Variants in CENPQ observed in about 807,000 individuals in gnomAD.
CENPQ encodes the protein centromere protein Q.
In CENPQ, 27 loss-of-function variants were observed where a neutral mutation model predicts 36.6. That is an observed-to-expected ratio of 0.74 (90% CI 0.54 to 1.02). The LOEUF is 1.02. Ranked by LOEUF, CENPQ falls within the 50% of genes least tolerant of loss-of-function variation. The pLI is 0.00. For synonymous variants in CENPQ, 101 were observed against 101.7 expected (o/e 0.99, Z 0.04); for missense variants, 306 against 301.8 (o/e 1.01, Z -0.10).
intron 6 of CENPQ, among the ~76,000 whole-genome samples, chr6:49,486,580 CCAGT>C (rs1476423090): frequency 1.3e-5 from 2 of 151,894 alleles, no homozygotes; most frequent in African/African-American, 4.8e-5. Flanking sequence ...GACATATCAA[CCAGT>C]CACAACCAGT....
Position 49,488,432 on chromosome 6 carries a change from G to A in CENPQ, c.558G>A (p.Leu186=), listed in dbSNP as rs974556124. The part of the protein sequence containing the change: ...IQSLKNKIQI[L]ASEVEEEEER... ...GCCTAAAGAACAAAATTCAGATTCT[G>A]GCAAGTGAGGTGGAAGAAGAAGAGG... Residue 186 remains leucine (L), a synonymous_variant, in exon 7 of 9, where the codon CTG becomes CTA. Coordinates refer to ENST00000335783, the MANE Select transcript of CENPQ (RefSeq NM_018132.4). 1.9e-6 allele frequency: 3 copies of A among 1,612,850 alleles called. No individual in the cohort carries two copies. The South Asian group carries it at 3.3e-5, about 18-fold the overall frequency.
chr6:49,484,698 A>G, intron 6 of CENPQ, among the ~76,000 whole-genome samples: 1 of 152,318 alleles, frequency 6.6e-6, no homozygotes, highest in Non-Finnish European at 1.5e-5. Flanking sequence ...ATTTCTGAGC[A>G]CAAATCTATA....
chr6:49,476,064 GA>G (rs200353570), intron 5 of CENPQ, among the ~76,000 whole-genome samples: 5 of 146,688 alleles, frequency 3.4e-5, no homozygotes, highest in Non-Finnish European at 4.5e-5. Flanking sequence ...CACAGAATTG[GA>G]AAAAAAAAAC....
intron 1 of CENPQ, among the ~76,000 whole-genome samples, chr6:49,463,774 C>G (rs1368087278): frequency 6.6e-6 from 1 of 152,098 alleles, no homozygotes; most frequent in Admixed American, 6.5e-5. Context: ...TGTGTTTCTC[C>G]AGGAGTCCTA....
At chr6:49,478,111 T>G (rs968670309) in intron 5 of CENPQ, among the ~76,000 whole-genome samples, 5 of 152,204 alleles carry the variant, frequency 3.3e-5, no homozygotes, top group African/African-American at 1.2e-4. Context: ...CTTTAGTTCC[T>G]GAAGTCACCA....
At chr6:49,468,991 A>G (rs1181222923) in intron 1 of CENPQ, among the ~76,000 whole-genome samples, 2 of 152,230 alleles carry the variant, frequency 1.3e-5, no homozygotes, top group East Asian at 3.8e-4. Flanking sequence ...ATTGAACACA[A>G]GATAGAGAAT....
chr6:49,483,164 G>A (rs1170959601), intron 6 of CENPQ, among the ~76,000 whole-genome samples: 5 of 152,238 alleles, frequency 3.3e-5, no homozygotes, highest in Admixed American at 6.5e-5. Context: ...GGTTCTCCAC[G>A]TCCCCACCAG....
At chr6:49,483,606 G>A in intron 6 of CENPQ, among the ~76,000 whole-genome samples, 1 of 152,210 alleles carries the variant, frequency 6.6e-6, no homozygotes, top group East Asian at 1.9e-4. Context: ...AGCAGTGCCG[G>A]TGGGCTGGCA....
intron 7 of CENPQ, 48 bp downstream of exon 7, chr6:49,488,519 G>A (rs753144692): frequency 6.3e-7 from 1 of 1,591,186 alleles, no homozygotes; most frequent in South Asian, 1.1e-5. Flanking sequence ...AATTTTTAAT[G>A]GTTAAATTAT....
At chr6:49,464,868 T>G (rs1380217946) in intron 1 of CENPQ, among the ~76,000 whole-genome samples, 1 of 152,220 alleles carries the variant, frequency 6.6e-6, no homozygotes, top group Non-Finnish European at 1.5e-5. Context: ...CCATGAGGGT[T>G]GGAATCAACT....
intron 5 of CENPQ, among the ~76,000 whole-genome samples, chr6:49,474,258 T>G (rs943755316): frequency 1.3e-5 from 2 of 152,168 alleles, no homozygotes; most frequent in Admixed American, 1.3e-4. Context: ...ATTGACCACA[T>G]AGTTGGAAGT....
chr6:49,463,936 T>A (rs1010195504), intron 1 of CENPQ, among the ~76,000 whole-genome samples: 1 of 152,124 alleles, frequency 6.6e-6, no homozygotes, highest in Non-Finnish European at 1.5e-5. Flanking sequence ...GCCTTATTTC[T>A]TTTCACTTCT....
At chr6:49,481,538 C>T (rs376989024) in intron 6 of CENPQ, among the ~76,000 whole-genome samples, 9 of 152,180 alleles carry the variant, frequency 5.9e-5, no homozygotes, top group East Asian at 1.9e-4. Flanking sequence ...TTGCAAAGAG[C>T]GAAAGAACAA....
In CENPQ at chr6:49,492,611, C is replaced by G. The variant is rs949118717; in HGVS notation, c.*336C>G. Reference sequence around the variant, plus strand: ...ATTGGTTAACAGCTCATATCAGGAGCTGTGATAAGTAAGTGTTTACATACA... The same window carrying G: ...ATTGGTTAACAGCTCATATCAGGAGGTGTGATAAGTAAGTGTTTACATACA... On this transcript the variant is annotated 3_prime_UTR_variant, in exon 9 of 9. Transcript: ENST00000335783. The G allele has an allele frequency of 5.7e-6, 1 of 175,722 alleles. No homozygotes were observed. Among genetic ancestry groups the G allele is most frequent in the African/African-American group, 2.4e-5 (1 of 41,978 alleles). The allele number at this position is 175,722 out of a possible 1,614,324, so 10.9% of individuals were successfully genotyped here.
At chr6:49,485,410 A>C (rs143490455) in intron 6 of CENPQ, among the ~76,000 whole-genome samples, 1,771 of 152,328 alleles carry the variant, frequency 0.012, 15 homozygotes, top group South Asian at 0.02. Flanking sequence ...ATCTTGTCAT[A>C]AAAATGGAGC....
chr6:49,473,659 C>T (rs1768199731), intron 5 of CENPQ, among the ~76,000 whole-genome samples: 1 of 152,162 alleles, frequency 6.6e-6, no homozygotes. Context: ...GGATCAAATT[C>T]ACACATAACA....
intron 5 of CENPQ, among the ~76,000 whole-genome samples, chr6:49,473,068 G>T (rs1252106660): frequency 2.0e-5 from 3 of 151,926 alleles, no homozygotes; most frequent in Non-Finnish European, 2.9e-5. Context: ...AAAAAACCCT[G>T]AAAATCACGA....
At chr6:49,472,925 G>T in intron 5 of CENPQ, 67 bp downstream of exon 5, 1 of 1,109,942 alleles carries the variant, frequency 9.0e-7, no homozygotes, top group Non-Finnish European at 1.2e-6. Flanking sequence ...TTTCTATGTT[G>T]CCAAATAGAC....
intron 5 of CENPQ, among the ~76,000 whole-genome samples, chr6:49,473,528 C>T (rs1466032391): frequency 6.6e-6 from 1 of 152,118 alleles, no homozygotes; most frequent in African/African-American, 2.4e-5. Context: ...AAGCACTAAA[C>T]ATGGAAAGGA....
Sources: gnomAD v4.1 joint callset for allele counts (sites outside exome capture counted in the v4.1 genomes callset) on GRCh38, gnomAD v4.1.1 for gene constraint, MANE v1.5 for transcripts, NCBI Gene and HGNC (gene_info 2026-07-23, HGNC 2026-07-21) for gene names.